The following ZFP82 variants were observed in gnomAD, a reference collection of about 807,000 sequenced individuals.
ZFP82 encodes the protein ZFP82 zinc finger protein.
ZFP82 carries 30 observed loss-of-function variants against 54.0 expected under a neutral mutation model. The observed-to-expected ratio is 0.56, with a 90% CI of 0.42 to 0.75. The LOEUF is 0.75. ZFP82 is among the 30% of genes least tolerant of loss of function. The probability of loss-of-function intolerance (pLI) is 0.00; values close to 1 mark genes in which losing one functional copy is unlikely to be tolerated. For synonymous variants in ZFP82, 194 were observed against 209.5 expected (o/e 0.93, Z 0.64); for missense variants, 500 against 636.8 (o/e 0.79, Z 2.31).
At chr19:36,414,466 T>G (rs1312333913) in intron 1 of ZFP82, among the ~76,000 whole-genome samples, 1 of 150,152 alleles carries the variant, frequency 6.7e-6, no homozygotes, top group African/African-American at 2.5e-5. Flanking sequence ...CGGGTTCAAG[T>G]GATTCCCCTG....
intron 4 of ZFP82, among the ~76,000 whole-genome samples, chr19:36,400,610 T>C (rs1269104784): frequency 6.6e-6 from 1 of 152,182 alleles, no homozygotes; most frequent in Non-Finnish European, 1.5e-5. Flanking sequence ...CACACATAAC[T>C]ACACTGTTTT....
chr19:36,396,199 C>G (rs978473152), intron 4 of ZFP82: 1 of 152,084 alleles, frequency 6.6e-6, no homozygotes, highest in Non-Finnish European at 1.5e-5. Context: ...AGCCAGGCCA[C>G]CTGGCTGTAT....
At chr19:36,388,602 A>T (rs991319563), downstream of ZFP82, among the ~76,000 whole-genome samples, 3 of 151,764 alleles carry the variant, frequency 2.0e-5, no homozygotes, top group African/African-American at 4.8e-5. Flanking sequence ...TTAAATTTTT[A>T]AAAAAACCTC....
chr19:36,413,533 C>T (rs1209742948), intron 1 of ZFP82, among the ~76,000 whole-genome samples: 5 of 152,028 alleles, frequency 3.3e-5, no homozygotes, highest in Admixed American at 1.3e-4. Context: ...GGCATTGGCC[C>T]ACATTAATTA....
chr19:36,394,055 T>G lies in ZFP82; in HGVS notation c.285A>C (p.Glu95Asp), dbSNP rs2032254018. Residue 95 changes from glutamate to aspartate, a missense_variant, in exon 5 of 5, where the codon GAA becomes GAC. By Grantham distance (45) the Glu-to-Asp change is conservative (BLOSUM62 2). Coordinates refer to ENST00000392161, the MANE Select transcript of ZFP82 (RefSeq NM_133466.4). The part of the protein sequence containing the change: ...KKLSLENDIY[E>D]INLSQWKIME... ...TTATCTTCCACTGGGATAAATTTATTTCATAAATGTCATTTTCTAAAGATA... is the reference window on the plus strand; with the variant it reads ...TTATCTTCCACTGGGATAAATTTATGTCATAAATGTCATTTTCTAAAGATA... The G allele has an allele frequency of 6.2e-7, 1 of 1,610,842 alleles. No homozygotes were observed. Among genetic ancestry groups the G allele is most frequent in the Non-Finnish European group, 8.5e-7 (1 of 1,179,160 alleles).
chr19:36,409,517 G>T (rs191437771), intron 2 of ZFP82, among the ~76,000 whole-genome samples: 71 of 152,266 alleles, frequency 4.7e-4, no homozygotes, highest in African/African-American at 1.5e-3. Context: ...ATATTTAAGA[G>T]ATTTCATTTT....
At chr19:36,414,364 CTTTT>C (rs1233064068) in intron 1 of ZFP82, among the ~76,000 whole-genome samples, 4 of 130,990 alleles carry the variant, frequency 3.1e-5, no homozygotes, top group Admixed American at 7.8e-5. Context: ...TGTAATTCTA[CTTTT>C]TTTTTTTTTT....
At chr19:36,385,611 T>G (rs1479561672), downstream of ZFP82, among the ~76,000 whole-genome samples, 2 of 152,132 alleles carry the variant, frequency 1.3e-5, no homozygotes, top group African/African-American at 2.4e-5. Context: ...GTCTGAAACT[T>G]TTTAGAGATT....
At chr19:36,384,191 T>C (rs1280155248), downstream of ZFP82, 1 of 152,156 alleles carries the variant, frequency 6.6e-6, no homozygotes, top group African/African-American at 2.4e-5. Context: ...CAATAAGGTA[T>C]TTTTCACAGT....
downstream of ZFP82, chr19:36,383,687 AT>A (rs1156458070): frequency 3.9e-5 from 6 of 152,204 alleles, no homozygotes; most frequent in Non-Finnish European, 8.8e-5. Flanking sequence ...AAAAAATAAA[AT>A]TTAAAAGATT....
chr19:36,386,060 T>C (rs1017883134), downstream of ZFP82, among the ~76,000 whole-genome samples: 2 of 152,204 alleles, frequency 1.3e-5, no homozygotes, highest in Admixed American at 6.5e-5. Context: ...TTAGTATGAA[T>C]AGAAGGAAGA....
At chr19:36,411,121 G>C (rs1250682810) in intron 1 of ZFP82, among the ~76,000 whole-genome samples, 3 of 151,332 alleles carry the variant, frequency 2.0e-5, no homozygotes, top group Non-Finnish European at 4.4e-5. Context: ...TGGACCTAGG[G>C]GGGCGGAGGT....
chr19:36,411,875 A>G (rs1188888650), intron 1 of ZFP82, among the ~76,000 whole-genome samples: 1 of 151,874 alleles, frequency 6.6e-6, no homozygotes, highest in Non-Finnish European at 1.5e-5. Context: ...AAAAAAAAAA[A>G]AAAAAGAAAA....
At chr19:36,385,779 GC>G (rs976094999), downstream of ZFP82, among the ~76,000 whole-genome samples, 4 of 152,170 alleles carry the variant, frequency 2.6e-5, no homozygotes, top group African/African-American at 9.7e-5. Context: ...TTGTGTCCAT[GC>G]CTTGGGCTTT....
chr19:36,383,708 TAATG>T (rs1211574017), downstream of ZFP82: 1 of 152,176 alleles, frequency 6.6e-6, no homozygotes, highest in Non-Finnish European at 1.5e-5. Context: ...TATTAGGTAA[TAATG>T]AAAGCTATGA....
At position 36,403,606 on chromosome 19, in the gene ZFP82, C is replaced by T. The variant is rs193152711; in HGVS notation, c.229+1974G>A. Among the ~76,000 whole-genome samples, 641 of 124,166 alleles carry T rather than the reference C, an allele frequency of 5.2e-3. 9 individuals carry two copies. The highest frequency in any genetic ancestry group is 0.02 in the African/African-American group (612 of 30,838). The allele number at this position is 124,166 out of a possible 152,430, so 81.5% of individuals were successfully genotyped here. ...CTGCACTCCAGCCTGGGCGACAGAG[C>T]GAGACTCCGTCGCAAGAAAAAAAAA... On this transcript the variant is annotated intron_variant, in intron 4 of 4. Coordinates refer to ENST00000392161, the MANE Select transcript of ZFP82 (RefSeq NM_133466.4).
rs2032340079 is a variant in ZFP82, at chr19:36,398,842, AATG to A, written c.230-4735_230-4733del. On this transcript the variant is annotated intron_variant, in intron 4 of 4. Coordinates refer to ENST00000392161, the MANE Select transcript of ZFP82 (RefSeq NM_133466.4). ...TTTTAAAAAAGCTCAGTGAAACTGT[AATG>A]ATACTTCCCTAAATGATAAAGTATA... is the stretch of plus-strand genomic sequence containing the variant. Among the ~76,000 whole-genome samples the A allele has an allele frequency of 2.0e-5, 3 of 152,292 alleles. No individual in the cohort carries two copies. The South Asian group carries it at 6.2e-4, about 32-fold the overall frequency.
intron 1 of ZFP82, among the ~76,000 whole-genome samples, chr19:36,416,509 C>A (rs757137654): frequency 2.7e-4 from 41 of 152,148 alleles, no homozygotes; most frequent in Admixed American, 5.2e-4. Context: ...GTAATCCCAG[C>A]ACTTTGGGAG....
chr19:36,395,157 T>G (rs1055969969), intron 4 of ZFP82: 1 of 152,252 alleles, frequency 6.6e-6, no homozygotes, highest in Non-Finnish European at 1.5e-5. Context: ...TGCCTTTACC[T>G]ATGCAGTGCA....
Sources: allele counts gnomAD v4.1 joint callset (sites outside exome capture counted in the v4.1 genomes callset), GRCh38; gene constraint gnomAD v4.1.1; transcripts MANE v1.5; gene names NCBI Gene and HGNC (gene_info 2026-07-23, HGNC 2026-07-21).